Variants in RGS21 observed in about 807,000 individuals in gnomAD.
RGS21 encodes regulator of G protein signaling 21.
RGS21 carries 19 observed loss-of-function variants against 18.7 expected under a neutral mutation model. The ratio of observed to expected loss-of-function variants is 1.01; its 90% CI spans 0.71 to 1.49. The LOEUF (loss-of-function observed/expected upper bound fraction) is 1.49. Among genes scored for constraint, RGS21 ranks in the 40% most tolerant of loss-of-function variants. The pLI is 0.00. For missense variants in RGS21, 194 were observed against 176.8 expected (o/e 1.10, Z -0.55); for synonymous variants, 56 against 57.8 (o/e 0.97, Z 0.14).
At chr1:192,339,004 C>A (rs1658812263) in intron 1 of RGS21, among the ~76,000 whole-genome samples, 1 of 152,012 alleles carries the variant, frequency 6.6e-6, no homozygotes, top group Non-Finnish European at 1.5e-5. Flanking sequence ...CTCTTTGAGT[C>A]TTAGTTTCCT....
rs546071434 is a variant in RGS21, at chr1:192,348,997, G to A, written c.88+1608G>A. 5.3e-3 allele frequency among the ~76,000 whole-genome samples: 801 copies of A among 152,088 alleles called. 7 individuals carry two copies. The highest frequency in any genetic ancestry group is 0.019 in the African/African-American group (770 of 41,488). ...AAAGTATAAACATCAAAGGATCCAC[G>A]TAACTTCCAGAATCCACCTAAGGGC... On this transcript the variant is annotated intron_variant, in intron 3 of 4. Coordinates refer to ENST00000417209, the MANE Select transcript of RGS21 (RefSeq NM_001039152.3).
At chr1:192,330,447 C>T (rs370356724) in intron 1 of RGS21, among the ~76,000 whole-genome samples, 37 of 152,038 alleles carry the variant, frequency 2.4e-4, no homozygotes, top group East Asian at 1.2e-3. Flanking sequence ...CAATAAACTT[C>T]GAAATAAAAT....
At chr1:192,329,836 C>A (rs907512164) in intron 1 of RGS21, among the ~76,000 whole-genome samples, 9 of 151,982 alleles carry the variant, frequency 5.9e-5, no homozygotes, top group African/African-American at 2.2e-4. Flanking sequence ...TTGCCTTTTC[C>A]ATATTATAAG....
At chr1:192,340,189 C>T (rs1658837672) in intron 1 of RGS21, among the ~76,000 whole-genome samples, 1 of 152,012 alleles carries the variant, frequency 6.6e-6, no homozygotes, top group Admixed American at 6.6e-5. Context: ...CACAGAAATT[C>T]CCATTGATTG....
chr1:192,343,748 T>C (rs1441884658), intron 2 of RGS21, among the ~76,000 whole-genome samples: 2 of 151,936 alleles, frequency 1.3e-5, no homozygotes, highest in African/African-American at 2.4e-5. Flanking sequence ...TGGCAAATCA[T>C]ACACAAACAA....
intron 1 of RGS21, among the ~76,000 whole-genome samples, chr1:192,328,460 T>G (rs2102223682): frequency 6.6e-6 from 1 of 152,280 alleles, no homozygotes; most frequent in East Asian, 1.9e-4. Flanking sequence ...TTTTCTAAGT[T>G]AAATGTTTCC....
At chr1:192,331,200 C>G (rs1375023262) in intron 1 of RGS21, among the ~76,000 whole-genome samples, 1 of 152,114 alleles carries the variant, frequency 6.6e-6, no homozygotes, top group Non-Finnish European at 1.5e-5. Context: ...TATTTTCTCC[C>G]TCGTTTCTGG....
chr1:192,335,050 T>C (rs1318551764), intron 1 of RGS21, among the ~76,000 whole-genome samples: 1 of 152,120 alleles, frequency 6.6e-6, no homozygotes, highest in African/African-American at 2.4e-5. Context: ...CGAATAAACC[T>C]GTTCATTGTA....
Position 192,366,197 on chromosome 1 carries a change from C to G in RGS21, c.*73C>G. The G allele has an allele frequency of 2.2e-6, 2 of 900,600 alleles. No homozygotes were observed. The highest frequency in any genetic ancestry group is 3.5e-6 in the Non-Finnish European group (2 of 574,146). The allele number at this position is 900,600 out of a possible 1,614,324, so 55.8% of individuals were successfully genotyped here. On this transcript the variant is annotated 3_prime_UTR_variant, in exon 5 of 5. Coordinates refer to ENST00000417209, the MANE Select transcript of RGS21 (RefSeq NM_001039152.3). Reference sequence around the variant, plus strand: ...TAAATATACAAGCATGATGCATTGTCTTTTGTTTTGTTTTTAGGATTTAGA... The same window carrying G: ...TAAATATACAAGCATGATGCATTGTGTTTTGTTTTGTTTTTAGGATTTAGA...
Position 192,343,005 on chromosome 1 carries a change from G to A in RGS21, c.-32G>A, listed in dbSNP as rs548848677. On this transcript the variant is annotated 5_prime_UTR_variant, in exon 2 of 5. Transcript: ENST00000417209. ...GAAGATCAGTCAGAAAGAGAAACTC[G>A]GCATCATCTGTGACAGACAGTGGAA... 5.1e-5 allele frequency: 82 copies of A among 1,611,110 alleles called. No individual in the cohort carries two copies. In the East Asian group the frequency reaches 1.5e-3, roughly 29 times the overall value.
chr1:192,333,475 T>C (rs1047673384), intron 1 of RGS21, among the ~76,000 whole-genome samples: 7 of 152,008 alleles, frequency 4.6e-5, no homozygotes, highest in Admixed American at 4.6e-4. Flanking sequence ...GATACACACA[T>C]ACTATGACAT....
rs1658764051 is a variant in RGS21, at chr1:192,336,143, GCACCACTAAT to G, written c.-60-6831_-60-6822del. Among the ~76,000 whole-genome samples, 2 of 152,062 alleles carry G rather than the reference GCACCACTAAT, an allele frequency of 1.3e-5. 1 individual carries two copies. Among genetic ancestry groups the G allele is most frequent in the South Asian group, 4.2e-4 (2 of 4,818 alleles). ...AGCCAGTCTATAAGTCAAGCCTAAAGCACCACTAATCAGAAGATCAAAAGGCTCAGGCCGG... is the reference window on the plus strand; with the variant it reads ...AGCCAGTCTATAAGTCAAGCCTAAAGCAGAAGATCAAAAGGCTCAGGCCGG... On this transcript the variant is annotated intron_variant, in intron 1 of 4. Coordinates refer to ENST00000417209, the MANE Select transcript of RGS21 (RefSeq NM_001039152.3).
At chr1:192,365,080 G>A (rs1388338372) in intron 4 of RGS21, among the ~76,000 whole-genome samples, 3 of 151,158 alleles carry the variant, frequency 2.0e-5, no homozygotes, top group South Asian at 4.2e-4. Flanking sequence ...AGGTTGCAGT[G>A]AGCCTAGATT....
At chr1:192,343,094 G>A in intron 2 of RGS21, 47 bp downstream of exon 2, 1 of 1,565,886 alleles carries the variant, frequency 6.4e-7, no homozygotes, top group Admixed American at 1.7e-5. Flanking sequence ...ATGTACAAAT[G>A]AAACACTTGA....
intron 1 of RGS21, among the ~76,000 whole-genome samples, chr1:192,335,645 T>C (rs1365581164): frequency 1.3e-5 from 2 of 152,184 alleles, no homozygotes; most frequent in African/African-American, 2.4e-5. Context: ...AAATATGTAA[T>C]CAGCAGCATC....
At chr1:192,337,275 C>T (rs535518501) in intron 1 of RGS21, among the ~76,000 whole-genome samples, 3 of 152,032 alleles carry the variant, frequency 2.0e-5, no homozygotes, top group Admixed American at 2.0e-4. Flanking sequence ...CTCAGTATGT[C>T]AACATTCCAC....
Position 192,352,252 on chromosome 1 carries a change from T to C in RGS21, c.255+39T>C, listed in dbSNP as rs771602175. ...TTCAGAACAGTGAAGAGTCATCCTG[T>C]AGCAGATCTGCTCCCAATTAGAAGA... On this transcript the variant is annotated intron_variant, in intron 4 of 4. Transcript: ENST00000417209. 4.8e-6 allele frequency: 7 copies of C among 1,448,598 alleles called. No homozygotes were observed. In the East Asian group the frequency reaches 7.1e-5, roughly 15 times the overall value. The allele number at this position is 1,448,598 out of a possible 1,614,324, so 89.7% of individuals were successfully genotyped here. A position where few individuals can be genotyped will look rare whatever the true frequency, so the allele number is the denominator to read the frequency against.
rs139040735 is a variant in RGS21, at chr1:192,359,550, C to A, written c.256-6371C>A. Among the ~76,000 whole-genome samples, 595 of 151,252 alleles carry A rather than the reference C, an allele frequency of 3.9e-3. 3 individuals carry two copies. The highest frequency in any genetic ancestry group is 0.014 in the African/African-American group (565 of 41,220). ...ACAAAAATCACATTTGAGAGGAGTG[C>A]CAAGTTGGGAGTGCAGTTCACAGAC... On this transcript the variant is annotated intron_variant, in intron 4 of 4. Transcript: ENST00000417209.
chr1:192,352,377 T>C (rs1659056739), intron 4 of RGS21, among the ~76,000 whole-genome samples, 164 bp downstream of exon 4: 1 of 152,078 alleles, frequency 6.6e-6, no homozygotes, highest in Non-Finnish European at 1.5e-5. Context: ...CTCTCTTTTT[T>C]TTCATTGATT....
Sources: gnomAD v4.1 joint callset for allele counts (sites outside exome capture counted in the v4.1 genomes callset) on GRCh38, gnomAD v4.1.1 for gene constraint, MANE v1.5 for transcripts, NCBI Gene and HGNC (gene_info 2026-07-23, HGNC 2026-07-21) for gene names.